The following OPCML variants were observed in gnomAD, a reference collection of about 807,000 sequenced individuals.
OPCML encodes the protein opioid-binding protein/cell adhesion molecule.
OPCML carries 13 observed loss-of-function variants against 37.8 expected under a neutral mutation model. That is an observed-to-expected ratio of 0.34 (90% CI 0.22 to 0.55). The LOEUF (loss-of-function observed/expected upper bound fraction) is 0.55, where lower values mean the gene tolerates loss of function less well. Ranked by LOEUF, OPCML falls within the 20% of genes least tolerant of loss-of-function variation. The pLI is 0.91. For missense variants in OPCML, 341 were observed against 435.6 expected (o/e 0.78, Z 1.93); for synonymous variants, 176 against 168.8 (o/e 1.04, Z -0.33).
At chr11:133,168,906 G>T (rs1246988013) in intron 1 of OPCML, among the ~76,000 whole-genome samples, 1 of 149,466 alleles carries the variant, frequency 6.7e-6, no homozygotes, top group Non-Finnish European at 1.5e-5. Flanking sequence ...AGGCAGGTGG[G>T]TCACCTGAGG....
At chr11:133,531,283 G>A (rs1307439385) in intron 1 of OPCML, among the ~76,000 whole-genome samples, 2 of 152,152 alleles carry the variant, frequency 1.3e-5, no homozygotes, top group East Asian at 1.9e-4. Context: ...ATTTTGCAAC[G>A]CTTCTGCTAA....
At chr11:133,167,407 G>C (rs1165729444) in intron 1 of OPCML, among the ~76,000 whole-genome samples, 1 of 152,062 alleles carries the variant, frequency 6.6e-6, no homozygotes, top group African/African-American at 2.4e-5. Context: ...GAACTCCATT[G>C]AATTCCAGGC....
intron 1 of OPCML, among the ~76,000 whole-genome samples, chr11:133,002,124 A>G (rs975244476): frequency 6.6e-6 from 1 of 152,302 alleles, no homozygotes; most frequent in South Asian, 2.1e-4. Flanking sequence ...TAAAATAAAA[A>G]CAAAAGCCCT....
intron 3 of OPCML, among the ~76,000 whole-genome samples, chr11:132,656,289 T>C (rs968163558): frequency 2.0e-5 from 3 of 152,224 alleles, no homozygotes; most frequent in African/African-American, 7.2e-5. Flanking sequence ...AACTGCTATC[T>C]GCATGTGTTT....
chr11:133,422,398 T>C (rs186900143), intron 1 of OPCML: 2 of 948,064 alleles, frequency 2.1e-6, no homozygotes, highest in Non-Finnish European at 2.5e-6. Flanking sequence ...TATATATGTA[T>C]ATATGCGCCA....
At chr11:132,422,429 G>A (rs932958716) in intron 7 of OPCML, among the ~76,000 whole-genome samples, 3 of 152,120 alleles carry the variant, frequency 2.0e-5, no homozygotes, top group Non-Finnish European at 2.9e-5. Context: ...AGTTGCCATC[G>A]GATGCTTGGT....
intron 1 of OPCML, among the ~76,000 whole-genome samples, chr11:133,375,073 C>A (rs1944768858): frequency 6.6e-6 from 1 of 152,208 alleles, no homozygotes. Flanking sequence ...CTCACTCCTG[C>A]AAAGCACGTG....
chr11:133,387,993 G>C (rs993137662), intron 1 of OPCML, among the ~76,000 whole-genome samples: 2 of 152,152 alleles, frequency 1.3e-5, no homozygotes, highest in African/African-American at 4.8e-5. Flanking sequence ...GTTAGAGTGG[G>C]TGAGTGAGGT....
At chr11:133,005,867 CTT>C (rs1414243785) in intron 1 of OPCML, 5 of 985,250 alleles carry the variant, frequency 5.1e-6, no homozygotes, top group Non-Finnish European at 6.0e-6. Context: ...TTAATTTGCA[CTT>C]AATTGCAGAA....
At chr11:133,414,457 A>T (rs1945717442) in intron 1 of OPCML, among the ~76,000 whole-genome samples, 1 of 152,182 alleles carries the variant, frequency 6.6e-6, no homozygotes, top group East Asian at 1.9e-4. Flanking sequence ...TCATTCTCCC[A>T]TCATGTATCA....
At chr11:132,517,780 C>A (rs1049065981) in intron 4 of OPCML, among the ~76,000 whole-genome samples, 1 of 152,130 alleles carries the variant, frequency 6.6e-6, no homozygotes, top group African/African-American at 2.4e-5. Flanking sequence ...TGTTAATATT[C>A]ATTCTCATAT....
intron 4 of OPCML, among the ~76,000 whole-genome samples, chr11:132,519,412 C>G (rs1027235117): frequency 4.6e-5 from 7 of 152,038 alleles, no homozygotes; most frequent in Non-Finnish European, 7.4e-5. Context: ...GCTCTGCCAT[C>G]CTCCCGCTTG....
At chr11:132,835,415 G>A (rs950407038) in intron 2 of OPCML, among the ~76,000 whole-genome samples, 1 of 152,228 alleles carries the variant, frequency 6.6e-6, no homozygotes, top group African/African-American at 2.4e-5. Flanking sequence ...TGAGTACACA[G>A]AAAGCACTTA....
intron 3 of OPCML, among the ~76,000 whole-genome samples, chr11:132,577,621 T>C (rs1371403207): frequency 6.6e-6 from 1 of 152,184 alleles, no homozygotes; most frequent in Non-Finnish European, 1.5e-5. Context: ...TTTTATTTTC[T>C]TTGCAAATAA....
At chr11:132,996,643 A>C in intron 1 of OPCML, among the ~76,000 whole-genome samples, 1 of 149,258 alleles carries the variant, frequency 6.7e-6, no homozygotes, top group Admixed American at 6.7e-5. Context: ...AAAATACTTG[A>C]CTCATAACTT....
intron 1 of OPCML, among the ~76,000 whole-genome samples, chr11:133,001,090 C>A (rs749280355): frequency 5.9e-5 from 9 of 152,206 alleles, no homozygotes; most frequent in Non-Finnish European, 1.0e-4. Flanking sequence ...GAACCATGAG[C>A]TAATTACACC....
At chr11:132,578,337 A>G (rs1323787383) in intron 3 of OPCML, among the ~76,000 whole-genome samples, 1 of 152,212 alleles carries the variant, frequency 6.6e-6, no homozygotes, top group Non-Finnish European at 1.5e-5. Flanking sequence ...AAACAAGTTC[A>G]ATGTAGCCAA....
At chr11:133,420,243 T>C (rs1945859749) in intron 1 of OPCML, 3 of 985,252 alleles carry the variant, frequency 3.0e-6, no homozygotes, top group African/African-American at 3.5e-5. Flanking sequence ...ACCAGCACAA[T>C]GCTGCAATAC....
intron 1 of OPCML, among the ~76,000 whole-genome samples, chr11:133,507,861 C>T (rs953667045): frequency 4.0e-5 from 6 of 151,520 alleles, no homozygotes; most frequent in Admixed American, 3.3e-4. Context: ...GCAGAAGAAT[C>T]ACTTTAACCC....
Sources: gnomAD v4.1 joint callset for allele counts (sites outside exome capture counted in the v4.1 genomes callset) on GRCh38, gnomAD v4.1.1 for gene constraint, MANE v1.5 for transcripts, NCBI Gene and HGNC (gene_info 2026-07-23, HGNC 2026-07-21) for gene names.